The following WIF1 variants were observed in gnomAD, a reference collection of about 807,000 sequenced individuals.
WIF1 encodes the protein Wnt inhibitory factor 1.
A neutral mutation model predicts 53.5 loss-of-function variants in WIF1; 35 were observed. The observed-to-expected ratio is 0.65, with a 90% CI of 0.50 to 0.87. The LOEUF (loss-of-function observed/expected upper bound fraction) is 0.87. Among genes scored for constraint, WIF1 ranks in the 40% least tolerant of loss-of-function variants. The probability of loss-of-function intolerance (pLI) is 0.00; values close to 1 mark genes in which losing one functional copy is unlikely to be tolerated. For missense variants in WIF1, 467 were observed against 476.8 expected, an observed-to-expected ratio of 0.98 and a Z score of 0.19; for synonymous variants, 171 against 170.4, an observed-to-expected ratio of 1.00 and a Z score of -0.03.
intron 9 of WIF1, among the ~76,000 whole-genome samples, chr12:65,054,788 C>T (rs2336165): frequency 0.61 from 92,627 of 152,058 alleles, 28,625 homozygotes; most frequent in East Asian, 0.72. Flanking sequence ...ATAGTTAACA[C>T]ACTATATTAC....
chr12:65,094,423 T>C (rs185766368), intron 2 of WIF1, among the ~76,000 whole-genome samples: 10 of 152,290 alleles, frequency 6.6e-5, no homozygotes, highest in Admixed American at 4.6e-4. Context: ...TGGGAAGCCA[T>C]TATGTCATTA....
At chr12:65,061,792 A>G (rs1316022654) in intron 7 of WIF1, among the ~76,000 whole-genome samples, 1 of 152,236 alleles carries the variant, frequency 6.6e-6, no homozygotes, top group Admixed American at 6.5e-5. Flanking sequence ...CACTTCACCA[A>G]TCAAGATACT....
chr12:65,055,129 T>C lies in WIF1; in HGVS notation c.1007A>G (p.His336Arg). ...CQCQEGWHGR[H>R]CNKRYEASLI... ...TTTCTCCCACTCACTTTTATTGCAG[T>C]GTCTTCCATGCCAACCTTCTTGACA... The change falls in exon 9 of 10, where the codon CAC becomes CGC. Residue 336 changes from histidine (H) to arginine (R), a missense_variant. Transcript: ENST00000286574. 1.2e-6 allele frequency: 2 copies of C among 1,613,962 alleles called. No homozygotes were observed. The highest frequency in any genetic ancestry group is 1.1e-5 in the South Asian group (1 of 91,000).
chr12:65,068,648 C>CGT lies in WIF1; in HGVS notation c.538+115_538+116insAC, dbSNP rs1565750846. On this transcript the variant is annotated intron_variant, in intron 4 of 9. Transcript: ENST00000286574. ...GTTATAGAGCCATCATCCAAAAAAC[C>CGT]ATGTGTGTGTGTGTGTGTGTGTGTG... The CGT allele has an allele frequency of 2.4e-5, 27 of 1,103,252 alleles. 1 individual carries two copies. Among genetic ancestry groups the CGT allele is most frequent in the African/African-American group, 2.4e-4 (9 of 37,822 alleles). 68.3% of individuals were successfully genotyped at this position (1,103,252 alleles called of 1,614,324 possible). A position where few individuals can be genotyped will look rare whatever the true frequency, so the allele number is the denominator to read the frequency against.
chr12:65,051,236 A>G lies in WIF1; in HGVS notation c.*113T>C. ...TCAGTGATTTATAATGAAGCTAATA[A>G]AATTCAGGCCAGTATTCTTAAGTGT... On this transcript the variant is annotated 3_prime_UTR_variant, in exon 10 of 10. Transcript: ENST00000286574. 1 of 1,349,614 alleles carries G rather than the reference A, an allele frequency of 7.4e-7. No homozygotes were observed. Among genetic ancestry groups the G allele is most frequent in the Non-Finnish European group, 9.9e-7 (1 of 1,012,478 alleles). 83.6% of individuals were successfully genotyped at this position (1,349,614 alleles called of 1,614,324 possible).
intron 2 of WIF1, among the ~76,000 whole-genome samples, chr12:65,108,159 G>A (rs531227919): frequency 7.2e-4 from 109 of 152,250 alleles, no homozygotes; most frequent in African/African-American, 2.5e-3. Flanking sequence ...TGTTATATGG[G>A]TTATATCTGT....
chr12:65,073,778 T>C (rs1004141348), intron 3 of WIF1, among the ~76,000 whole-genome samples: 1 of 152,200 alleles, frequency 6.6e-6, no homozygotes, highest in Non-Finnish European at 1.5e-5. Flanking sequence ...ATGAGGCTAA[T>C]GAGTAGCTGC....
At chr12:65,071,234 A>AG (rs1882769206) in intron 3 of WIF1, among the ~76,000 whole-genome samples, 1 of 140,544 alleles carries the variant, frequency 7.1e-6, no homozygotes. Flanking sequence ...ACTCCATCAA[A>AG]AAAAAAAAAA....
intron 4 of WIF1, among the ~76,000 whole-genome samples, chr12:65,068,345 G>T (rs1882719280): frequency 6.6e-6 from 1 of 152,028 alleles, no homozygotes; most frequent in Non-Finnish European, 1.5e-5. Flanking sequence ...TTCATTAGAG[G>T]TTATATTAGT....
chr12:65,077,076 T>C (rs900935951), intron 3 of WIF1, among the ~76,000 whole-genome samples: 1 of 152,186 alleles, frequency 6.6e-6, no homozygotes, highest in African/African-American at 2.4e-5. Flanking sequence ...TATCCTAATA[T>C]TTGACTTTGG....
At chr12:65,097,141 G>A (rs1038124515) in intron 2 of WIF1, among the ~76,000 whole-genome samples, 3 of 151,166 alleles carry the variant, frequency 2.0e-5, no homozygotes, top group African/African-American at 7.3e-5. Flanking sequence ...TCTGAAAACT[G>A]GGCCTCTTTT....
At chr12:65,100,376 AAAAC>A (rs1883264800) in intron 2 of WIF1, among the ~76,000 whole-genome samples, 1 of 152,216 alleles carries the variant, frequency 6.6e-6, no homozygotes, top group African/African-American at 2.4e-5. Flanking sequence ...CCCACTGAGA[AAAAC>A]TTGTCCTAAC....
chr12:65,060,699 A>G (rs1467982896), intron 7 of WIF1, among the ~76,000 whole-genome samples: 1 of 152,204 alleles, frequency 6.6e-6, no homozygotes, highest in Non-Finnish European at 1.5e-5. Flanking sequence ...TGTGACTTAT[A>G]TCTTAATTAA....
chr12:65,080,688 C>A (rs560813632), intron 2 of WIF1, among the ~76,000 whole-genome samples: 1 of 152,104 alleles, frequency 6.6e-6, no homozygotes, highest in Admixed American at 6.6e-5. Flanking sequence ...TTACTAAGTA[C>A]AGTAACAACA....
At chr12:65,081,531 CT>C (rs1882949570) in intron 2 of WIF1, among the ~76,000 whole-genome samples, 1 of 152,250 alleles carries the variant, frequency 6.6e-6, no homozygotes, top group Non-Finnish European at 1.5e-5. Context: ...TAATAGATTT[CT>C]CTGGACACCC....
chr12:65,118,943 A>G (rs1045437505), intron 2 of WIF1, among the ~76,000 whole-genome samples: 4 of 152,150 alleles, frequency 2.6e-5, no homozygotes, highest in Non-Finnish European at 5.9e-5. Context: ...TTAACCAGTT[A>G]CCAAACCCTT....
chr12:65,071,231 C>CAAAA lies in WIF1; in HGVS notation c.398-2331_398-2328dup, dbSNP rs67928556. 2.6e-3 allele frequency among the ~76,000 whole-genome samples: 182 copies of CAAAA among 71,062 alleles called. 1 individual carries two copies. The highest frequency in any genetic ancestry group is 9.1e-3 in the Middle Eastern group (1 of 110). 46.6% of individuals were successfully genotyped at this position (71,062 alleles called of 152,430 possible). On this transcript the variant is annotated intron_variant, in intron 3 of 9. Transcript: ENST00000286574. ...CCTGGGCAACAGAGCAAGACTCCAT[C>CAAAA]AAAAAAAAAAAAAAAAAAAAAAAGG...
chr12:65,099,586 CTT>C (rs1317675928), intron 2 of WIF1, among the ~76,000 whole-genome samples: 1 of 152,162 alleles, frequency 6.6e-6, no homozygotes, highest in Non-Finnish European at 1.5e-5. Flanking sequence ...GAAACAGAGT[CTT>C]TACTCAGATA....
At chr12:65,101,149 C>T (rs535943155) in intron 2 of WIF1, among the ~76,000 whole-genome samples, 84 of 152,074 alleles carry the variant, frequency 5.5e-4, no homozygotes, top group South Asian at 2.3e-3. Context: ...TGGTTATATC[C>T]GGGAAATTAA....
Sources: gnomAD v4.1 joint callset for allele counts (sites outside exome capture counted in the v4.1 genomes callset) on GRCh38, gnomAD v4.1.1 for gene constraint, MANE v1.5 for transcripts, NCBI Gene and HGNC (gene_info 2026-07-23, HGNC 2026-07-21) for gene names.